Variants in SLC16A2 observed in about 807,000 individuals in gnomAD.
SLC16A2 encodes solute carrier family 16 member 2, also known as monocarboxylate transporter 8.
Under a neutral mutation model 27.2 loss-of-function variants are expected in SLC16A2, and 3 were observed. The ratio of observed to expected loss-of-function variants is 0.11; its 90% CI spans 0.05 to 0.28. The LOEUF is 0.28. Among genes scored for constraint, SLC16A2 ranks in the 10% least tolerant of loss-of-function variants. The pLI, the probability that SLC16A2 is intolerant of heterozygous loss-of-function variation, is 1.00. For missense variants in SLC16A2, 295 were observed against 458.5 expected (o/e 0.64, Z 3.26); for synonymous variants, 202 against 187.8 (o/e 1.08, Z -0.62).
Position 74,531,411 on chromosome X carries a change from T to G in SLC16A2, c.1478T>G (p.Ile493Ser). 8.3e-7 allele frequency: 1 copy of G among 1,211,117 alleles called. No homozygotes were observed. ...AGVPPIIGAVILFFVPLMHQR... is the reference protein window; with the variant it reads ...AGVPPIIGAVSLFFVPLMHQR... ...GTGCCCCCCATCATCGGGGCTGTAA[T>G]CCTCTTCTTCGTCCCTCTGATGCAT... Residue 493 changes from isoleucine to serine, a missense_variant, in exon 6 of 6, where the codon ATC becomes AGC. Physicochemically the swap from Ile to Ser is moderately radical, Grantham distance 142. Coordinates refer to ENST00000587091, the MANE Select transcript of SLC16A2 (RefSeq NM_006517.5).
intron 1 of SLC16A2, among the ~76,000 whole-genome samples, chrX:74,467,825 C>T (rs1409532911): frequency 9.0e-6 from 1 of 111,351 alleles, no homozygotes; most frequent in Non-Finnish European, 1.9e-5. Context: ...TCACATAGTC[C>T]TGGTGAGATT....
Position 74,528,775 on chromosome X carries a change from T to TGCAA in SLC16A2, c.1171-435_1171-432dup, listed in dbSNP as rs750876991. Among the ~76,000 whole-genome samples the TGCAA allele has an allele frequency of 8.0e-5, 9 of 112,318 alleles. No homozygotes were observed. The Admixed American group carries it at 8.5e-4, about 11-fold the overall frequency. On this transcript the variant is annotated intron_variant, in intron 4 of 5. Transcript: ENST00000587091. ...CACTTACAACCCCATCTGATCATCA[T>TGCAA]GCAAGCCATCCTCATGTCCTCCCTT...
rs1234288700 is a variant in SLC16A2, at chrX:74,521,033, T to C, written c.474T>C (p.Ser158=). The C allele has an allele frequency of 8.3e-7, 1 of 1,211,711 alleles. No homozygotes were observed. Among genetic ancestry groups the C allele is most frequent in the Non-Finnish European group, 1.1e-6 (1 of 895,321 alleles). Residue 158 remains serine (S), a synonymous_variant, in exon 2 of 6, where the codon TCT becomes TCC. Coordinates refer to ENST00000587091, the MANE Select transcript of SLC16A2 (RefSeq NM_006517.5). The part of the protein sequence containing the change: ...ALAMGMIFFC[S]PIVSIFTDRL... ...CGATGGGTATGATCTTCTTCTGTTC[T>C]CCCATTGTGAGTATATTCACTGACC... is the stretch of plus-strand genomic sequence containing the variant.
At chrX:74,503,065 C>T (rs954918408) in intron 1 of SLC16A2, among the ~76,000 whole-genome samples, 3 of 109,579 alleles carry the variant, frequency 2.7e-5, no homozygotes, top group South Asian at 8.1e-4. Context: ...TGCAACCTTT[C>T]CTGTACTCCT....
intron 4 of SLC16A2, among the ~76,000 whole-genome samples, chrX:74,528,114 A>G (rs1183072125): frequency 8.9e-6 from 1 of 112,387 alleles, no homozygotes; most frequent in Admixed American, 9.4e-5. Flanking sequence ...CACTCCTTCC[A>G]TGTGTTCTTG....
At chrX:74,434,520 T>G (rs1293307880) in intron 1 of SLC16A2, among the ~76,000 whole-genome samples, 1 of 110,233 alleles carries the variant, frequency 9.1e-6, no homozygotes, top group African/African-American at 3.3e-5. Flanking sequence ...CTGAGGACAT[T>G]TGGGGAAAAG....
chrX:74,496,467 C>CAT (rs900329890), intron 1 of SLC16A2, among the ~76,000 whole-genome samples: 2 of 111,798 alleles, frequency 1.8e-5, no homozygotes, highest in Non-Finnish European at 3.8e-5. Flanking sequence ...TGGCCTCAGC[C>CAT]CTCTCTCTCA....
intron 1 of SLC16A2, among the ~76,000 whole-genome samples, chrX:74,448,339 C>T (rs1365297788): frequency 5.8e-5 from 5 of 86,845 alleles, no homozygotes; most frequent in Non-Finnish European, 1.1e-4. Context: ...GATGAGGAAA[C>T]CAGGCTCAGA....
chrX:74,505,185 AC>A (rs1930103162), intron 1 of SLC16A2, among the ~76,000 whole-genome samples: 1 of 111,617 alleles, frequency 9.0e-6, no homozygotes, highest in African/African-American at 3.3e-5. Context: ...CTATCCTAGA[AC>A]CTTCCTGTAG....
rs1929320168 is a variant in SLC16A2 at position 74,469,770 on chromosome X, T to A, written c.430+47703T>A. 2.7e-5 allele frequency among the ~76,000 whole-genome samples: 3 copies of A among 111,145 alleles called. No homozygotes were observed. The South Asian group carries it at 1.2e-3, about 43-fold the overall frequency. Reference sequence around the variant, plus strand: ...CCCCCAGCATGCACAGCACCTCCACTATTAACTCCTTCACCAGAATAGTAC... The same window carrying A: ...CCCCCAGCATGCACAGCACCTCCACAATTAACTCCTTCACCAGAATAGTAC... On this transcript the variant is annotated intron_variant, in intron 1 of 5. Transcript: ENST00000587091.
intron 1 of SLC16A2, among the ~76,000 whole-genome samples, chrX:74,520,008 G>A (rs1930382217): frequency 9.0e-6 from 1 of 111,697 alleles, no homozygotes; most frequent in Admixed American, 9.5e-5. Context: ...CCAATGGGGA[G>A]CTGAGCAACC....
At chrX:74,522,532 G>C (rs1186329989) in intron 2 of SLC16A2, among the ~76,000 whole-genome samples, 5 of 112,019 alleles carry the variant, frequency 4.5e-5, no homozygotes, top group Admixed American at 9.4e-5. Flanking sequence ...GCTCCTTGTG[G>C]GGAGGAGCTA....
At chrX:74,525,977 A>G in intron 4 of SLC16A2, 84 bp downstream of exon 4, 1 of 1,068,690 alleles carries the variant, frequency 9.4e-7, no homozygotes, top group Non-Finnish European at 1.3e-6. Flanking sequence ...ATAGAATGGT[A>G]GCTTGTTGTG....
At chrX:74,463,952 C>G (rs1339464654) in intron 1 of SLC16A2, among the ~76,000 whole-genome samples, 1 of 112,460 alleles carries the variant, frequency 8.9e-6, no homozygotes, top group Non-Finnish European at 1.9e-5. Flanking sequence ...CCTCCACCAC[C>G]ATCGTCTGGC....
At chrX:74,505,493 G>A (rs952174533) in intron 1 of SLC16A2, among the ~76,000 whole-genome samples, 1 of 112,265 alleles carries the variant, frequency 8.9e-6, no homozygotes, top group African/African-American at 3.2e-5. Context: ...AGTAATTCAA[G>A]GGTGCTAGGG....
At chrX:74,496,962 C>T (rs1256541000) in intron 1 of SLC16A2, among the ~76,000 whole-genome samples, 6 of 111,417 alleles carry the variant, frequency 5.4e-5, no homozygotes, top group Non-Finnish European at 9.4e-5. Context: ...CGTCCAGCTG[C>T]CCCTGTGTTC....
At chrX:74,508,717 T>C (rs980759219) in intron 1 of SLC16A2, among the ~76,000 whole-genome samples, 1 of 111,696 alleles carries the variant, frequency 9.0e-6, no homozygotes, top group Non-Finnish European at 1.9e-5. Context: ...TTTTTAACTT[T>C]TATTTTAGGT....
intron 1 of SLC16A2, among the ~76,000 whole-genome samples, chrX:74,488,538 C>A (rs1477768953): frequency 9.0e-6 from 1 of 111,693 alleles, no homozygotes; most frequent in Admixed American, 9.5e-5. Context: ...TTTTTAATAA[C>A]AAAGACTCAT....
chrX:74,495,175 C>T (rs904197784), intron 1 of SLC16A2, among the ~76,000 whole-genome samples: 1 of 111,783 alleles, frequency 8.9e-6, no homozygotes, highest in Non-Finnish European at 1.9e-5. Context: ...GCTGACTGCC[C>T]GAGTGAGGGG....
Sources: gnomAD v4.1 joint callset for allele counts (sites outside exome capture counted in the v4.1 genomes callset) on GRCh38, gnomAD v4.1.1 for gene constraint, MANE v1.5 for transcripts, NCBI Gene and HGNC (gene_info 2026-07-23, HGNC 2026-07-21) for gene names.